CNTRL: variants seen among roughly 807,000 people sequenced by gnomAD.
CNTRL encodes the protein 110 kDa centrosomal protein.
In CNTRL, 233 loss-of-function variants were observed where a neutral mutation model predicts 303.7. The ratio of observed to expected loss-of-function variants is 0.77; its 90% confidence interval spans 0.69 to 0.86. The LOEUF is 0.86. Among genes scored for constraint, CNTRL ranks in the 40% least tolerant of loss-of-function variants. CNTRL has a pLI of 0.00. For missense variants in CNTRL, 2,524 were observed against 2,650.6 expected, an observed-to-expected ratio of 0.95 and a Z score of 1.05; for synonymous variants, 900 against 922.2, an observed-to-expected ratio of 0.98 and a Z score of 0.44.
In CNTRL at chr9:121,144,893, A is replaced by C. The variant is rs1338615958; in HGVS notation, c.3102A>C (p.Arg1034Ser). ...RFSRKAAQAA[R>S]DLTRAEAEIE... ...GCAGAAAGGCAGCACAAGCAGCCAG[A>C]GATCTCACCCGAGCAGAAGCTGAGA... Residue 1034 changes from arginine to serine, a missense_variant, in exon 21 of 44, where the codon AGA becomes AGC. Coordinates refer to ENST00000373855, the MANE Select transcript of CNTRL (RefSeq NM_007018.6). The C allele has an allele frequency of 6.2e-7, 1 of 1,613,584 alleles. No homozygotes were observed. The highest frequency in any genetic ancestry group is 1.7e-5 in the Admixed American group (1 of 60,024).
intron 6 of CNTRL, among the ~76,000 whole-genome samples, chr9:121,097,237 G>A (rs888663241): frequency 3.3e-5 from 5 of 152,052 alleles, no homozygotes; most frequent in African/African-American, 1.2e-4. Context: ...TGGGAAAATT[G>A]TGCCATAATT....
chr9:121,162,475 A>G (rs1437535908), intron 34 of CNTRL, among the ~76,000 whole-genome samples: 1 of 144,698 alleles, frequency 6.9e-6, no homozygotes, highest in African/African-American at 2.6e-5. Context: ...TTTAAAATCT[A>G]TTTTGTTTTT....
At chr9:121,158,765 G>C in intron 30 of CNTRL, 90 bp from the exon 31 acceptor site, 1 of 1,274,384 alleles carries the variant, frequency 7.8e-7, no homozygotes, top group South Asian at 1.4e-5. Flanking sequence ...ATTAGCTCCT[G>C]ATTTTACCTC....
At chr9:121,140,524 A>C (rs1308967807) in intron 16 of CNTRL, 117 bp from the exon 17 acceptor site, 2 of 856,468 alleles carry the variant, frequency 2.3e-6, no homozygotes, top group Non-Finnish European at 3.3e-6. Context: ...ATTTCTTTTT[A>C]CTTGAAAGAG....
chr9:121,123,052 A>G (rs781499900), intron 12 of CNTRL, among the ~76,000 whole-genome samples: 3 of 152,118 alleles, frequency 2.0e-5, no homozygotes, highest in African/African-American at 7.2e-5. Context: ...TCATACCTCT[A>G]TTTTCTTCTA....
intron 25 of CNTRL, 183 bp from the exon 26 acceptor site, chr9:121,152,302 G>T (rs2052318047): frequency 1.7e-6 from 1 of 588,038 alleles, no homozygotes; most frequent in Non-Finnish European, 3.0e-6. Flanking sequence ...AAAATTAAAG[G>T]TTCTATTTGT....
At chr9:121,173,083 A>G (rs2053377056) in intron 40 of CNTRL, among the ~76,000 whole-genome samples, 160 bp from the exon 41 acceptor site, 1 of 152,270 alleles carries the variant, frequency 6.6e-6, no homozygotes, top group Non-Finnish European at 1.5e-5. Context: ...TCAGTAGCTT[A>G]TAGAGTCTTG....
Position 121,177,246 on chromosome 9 carries a change from A to G in CNTRL, c.*60A>G, listed in dbSNP as rs1231357526. The G allele has an allele frequency of 7.4e-6, 10 of 1,359,898 alleles. No homozygotes were observed. The highest frequency in any genetic ancestry group is 4.3e-5 in the African/African-American group (3 of 69,370). The allele number at this position is 1,359,898 out of a possible 1,614,324, so 84.2% of individuals were successfully genotyped here. On this transcript the variant is annotated 3_prime_UTR_variant, in exon 44 of 44. Transcript: ENST00000373855. ...ACACCTCCACTACCTCACTGACTTC[A>G]TAATTGGAATGTCACATGGTTTTTT...
intron 11 of CNTRL, among the ~76,000 whole-genome samples, chr9:121,116,377 T>A (rs896197348): frequency 7.2e-5 from 11 of 152,072 alleles, no homozygotes; most frequent in Non-Finnish European, 1.3e-4. Flanking sequence ...TTTTTTATTT[T>A]TTATTTTTAT....
intron 25 of CNTRL, 104 bp from the exon 26 acceptor site, chr9:121,152,381 C>T: frequency 1.2e-6 from 1 of 834,624 alleles, no homozygotes; most frequent in Non-Finnish European, 1.9e-6. Flanking sequence ...ATTTTTTGGG[C>T]CATTGATACC....
At chr9:121,174,047 G>A (rs1013009599) in intron 42 of CNTRL, among the ~76,000 whole-genome samples, 1 of 152,224 alleles carries the variant, frequency 6.6e-6, no homozygotes, top group Non-Finnish European at 1.5e-5. Flanking sequence ...TGAACTGTAA[G>A]GTTATCATAG....
chr9:121,113,751 T>TA (rs3831035), intron 10 of CNTRL, 27 bp downstream of exon 10: 519 of 1,325,740 alleles, frequency 3.9e-4, no homozygotes, highest in Admixed American at 8.1e-4. Context: ...TTAAATTCTT[T>TA]AAAAAAAAAT....
intron 4 of CNTRL, among the ~76,000 whole-genome samples, chr9:121,094,445 C>A (rs999195744): frequency 4.6e-5 from 7 of 152,130 alleles, no homozygotes; most frequent in African/African-American, 1.7e-4. Context: ...TTCCTGAGGG[C>A]AGAACCCTCA....
chr9:121,110,501 G>A (rs1723679224), intron 8 of CNTRL, among the ~76,000 whole-genome samples: 2 of 152,090 alleles, frequency 1.3e-5, no homozygotes, highest in African/African-American at 4.8e-5. Context: ...GTATCTGTTT[G>A]CTTCTTCTTT....
chr9:121,081,294 C>T (rs976876937), intron 2 of CNTRL, among the ~76,000 whole-genome samples: 7 of 152,286 alleles, frequency 4.6e-5, no homozygotes, highest in East Asian at 1.9e-4. Flanking sequence ...TTCCTACTGC[C>T]GTACCACACA....
chr9:121,147,412 C>T (rs1160956000), intron 23 of CNTRL, among the ~76,000 whole-genome samples: 2 of 152,084 alleles, frequency 1.3e-5, no homozygotes, highest in Non-Finnish European at 2.9e-5. Context: ...ATGATCAGAG[C>T]TGTAGTTTAG....
rs577094793 is a variant in CNTRL, at chr9:121,133,356, G to A, written c.2026-2450G>A. 1.1e-3 allele frequency among the ~76,000 whole-genome samples: 172 copies of A among 152,346 alleles called. 7 individuals are homozygous for A. The highest frequency in any genetic ancestry group is 4.3e-4 in the Non-Finnish European group (29 of 68,036). ...TACTCAAGCCTCAGCAATGGTGAAC[G>A]CCCCTCCCCCTGCCAGGCTGCTGCC... On this transcript the variant is annotated intron_variant, in intron 14 of 43. Transcript: ENST00000373855.
intron 36 of CNTRL, 116 bp downstream of exon 36, chr9:121,166,296 G>A: frequency 1.6e-6 from 1 of 621,526 alleles, no homozygotes; most frequent in East Asian, 3.1e-5. Context: ...ATACCGTAGG[G>A]CCATTTATGT....
At chr9:121,141,298 TG>T in intron 17 of CNTRL, 82 bp from the exon 18 acceptor site, 1 of 1,107,664 alleles carries the variant, frequency 9.0e-7, no homozygotes. Flanking sequence ...CTTTTTACTC[TG>T]GAGCTAAAGT....
Sources: gnomAD v4.1 joint callset for allele counts (sites outside exome capture counted in the v4.1 genomes callset) on GRCh38, gnomAD v4.1.1 for gene constraint, MANE v1.5 for transcripts, NCBI Gene and HGNC (gene_info 2026-07-23, HGNC 2026-07-21) for gene names.